The following ZNF536 variants were observed in gnomAD, a reference collection of about 807,000 sequenced individuals.
ZNF536 encodes the protein zinc finger protein 536.
ZNF536 carries 13 observed loss-of-function variants against 84.5 expected under a neutral mutation model. The ratio of observed to expected loss-of-function variants is 0.15; its 90% CI spans 0.10 to 0.24. The LOEUF (loss-of-function observed/expected upper bound fraction) is 0.24, where lower values mean the gene tolerates loss of function less well. Among genes scored for constraint, ZNF536 ranks in the 10% least tolerant of loss-of-function variants. ZNF536 has a pLI of 1.00. For synonymous variants in ZNF536, 811 were observed against 742.5 expected (o/e 1.09, Z -1.50); for missense variants, 1,536 against 1,747.5 (o/e 0.88, Z 2.16).
intron 3 of ZNF536, among the ~76,000 whole-genome samples, chr19:30,362,685 C>G (rs1283113860): frequency 6.6e-6 from 1 of 152,142 alleles, no homozygotes; most frequent in Non-Finnish European, 1.5e-5. Flanking sequence ...GGTTTAGCCT[C>G]CAGCAAGGCC....
intron 1 of ZNF536, among the ~76,000 whole-genome samples, chr19:30,266,075 G>T (rs1252009125): frequency 6.6e-6 from 1 of 151,952 alleles, no homozygotes; most frequent in African/African-American, 2.4e-5. Context: ...TAGAGACAGG[G>T]TCTTGCTCTG....
intron 1 of ZNF536, among the ~76,000 whole-genome samples, chr19:30,231,301 G>T (rs1421145551): frequency 6.6e-6 from 1 of 152,228 alleles, no homozygotes; most frequent in Non-Finnish European, 1.5e-5. Context: ...TGAGGCCTTA[G>T]ATTTCGGCTG....
intron 2 of ZNF536, among the ~76,000 whole-genome samples, chr19:30,459,933 A>G (rs781681837): frequency 1.3e-5 from 2 of 152,254 alleles, no homozygotes; most frequent in South Asian, 2.1e-4. Context: ...TTTAACTACA[A>G]TTATAACCAC....
chr19:30,472,105 C>A (rs148492002), intron 2 of ZNF536, among the ~76,000 whole-genome samples: 2 of 152,198 alleles, frequency 1.3e-5, no homozygotes, highest in South Asian at 4.1e-4. Flanking sequence ...AGAGTCCTCA[C>A]GATAGCAGGG....
chr19:30,373,178 A>G (rs896690510), intron 1 of ZNF536, among the ~76,000 whole-genome samples: 1 of 152,212 alleles, frequency 6.6e-6, no homozygotes, highest in African/African-American at 2.4e-5. Context: ...AAAAGTTAAT[A>G]GCACTTGTGC....
intron 2 of ZNF536, among the ~76,000 whole-genome samples, chr19:30,348,637 T>C (rs2047825957): frequency 6.6e-6 from 1 of 152,022 alleles, no homozygotes; most frequent in African/African-American, 2.4e-5. Context: ...GGCTGGGACA[T>C]GAAAGGGCAA....
At chr19:30,692,517 G>A (rs2051453062) in intron 1 of ZNF536, among the ~76,000 whole-genome samples, 1 of 152,212 alleles carries the variant, frequency 6.6e-6, no homozygotes, top group Non-Finnish European at 1.5e-5. Context: ...TTTTGCTGAG[G>A]TTGTTGTGGG....
In ZNF536 at chr19:30,491,075, C is replaced by T. The variant is rs114692590; in HGVS notation, c.2171-43772C>T. ...ACTATGGCTCCAGTGTCTACCAAGG[C>T]CTGTCCAAGGACCTTGGTTGATGTC... is the stretch of plus-strand genomic sequence containing the variant. On this transcript the variant is annotated intron_variant, in intron 2 of 4. Transcript: ENST00000355537. Among the ~76,000 whole-genome samples, 1,050 of 152,204 alleles carry T rather than the reference C, an allele frequency of 6.9e-3. 13 individuals are homozygous for T. The highest frequency in any genetic ancestry group is 0.024 in the African/African-American group (1,008 of 41,532).
intron 1 of ZNF536, among the ~76,000 whole-genome samples, chr19:30,247,148 T>A (rs2024325296): frequency 6.6e-6 from 1 of 152,232 alleles, no homozygotes; most frequent in Non-Finnish European, 1.5e-5. Context: ...TGACTTCAGC[T>A]GTTTGATGGT....
chr19:30,549,311 A>T lies in ZNF536; in HGVS notation c.3692A>T (p.Lys1231Met), dbSNP rs2146249787. The change falls in exon 4 of 5, where the codon AAG becomes ATG. Residue 1231 changes from lysine (K) to methionine (M), a missense_variant. Around this residue, in one of 8 missense-constraint regions of ZNF536, gnomAD observed 624 missense variants for 603.1 expected, o/e 1.03. Coordinates refer to ENST00000355537, the MANE Select transcript of ZNF536 (RefSeq NM_014717.3). The part of the protein sequence containing the change: ...LVSPLSQAPE[K>M]QWHSQGLLQA... The stretch of plus-strand genomic sequence containing the variant: ...TCACCTTTATCCCAAGCACCGGAGA[A>T]GCAGTGGCACAGCCAGGGTCTTCTC... The T allele has an allele frequency of 6.2e-7, 1 of 1,612,500 alleles. No homozygotes were observed. The highest frequency in any genetic ancestry group is 8.5e-7 in the Non-Finnish European group (1 of 1,179,270).
chr19:30,337,494 A>G (rs908072647), intron 2 of ZNF536, among the ~76,000 whole-genome samples: 2 of 152,034 alleles, frequency 1.3e-5, no homozygotes, highest in Non-Finnish European at 2.9e-5. Context: ...GGCAACAATG[A>G]CAAAGCCCAA....
chr19:30,414,093 C>CAAA (rs55650802), intron 1 of ZNF536, among the ~76,000 whole-genome samples: 31,895 of 82,128 alleles, frequency 0.39, 7,473 homozygotes, highest in East Asian at 0.65. Context: ...GACTCTGTCT[C>CAAA]AAAAAAAAAA....
chr19:30,325,268 T>G (rs990338056), intron 2 of ZNF536, among the ~76,000 whole-genome samples: 1 of 152,202 alleles, frequency 6.6e-6, no homozygotes, highest in African/African-American at 2.4e-5. Context: ...GCGATTTGCC[T>G]GTGACTCTCA....
intron 1 of ZNF536, among the ~76,000 whole-genome samples, chr19:30,424,478 T>G (rs1659913333): frequency 1.3e-5 from 2 of 152,160 alleles, no homozygotes; most frequent in Non-Finnish European, 2.9e-5. Flanking sequence ...TAACACAGTC[T>G]GCTGAGCACA....
intron 1 of ZNF536, among the ~76,000 whole-genome samples, chr19:30,405,927 G>A (rs753568931): frequency 3.3e-5 from 5 of 151,960 alleles, no homozygotes; most frequent in East Asian, 1.9e-4. Flanking sequence ...ACAGGCACCC[G>A]CCAACACACC....
chr19:30,244,777 T>C (rs928435567), intron 1 of ZNF536, among the ~76,000 whole-genome samples: 1 of 152,334 alleles, frequency 6.6e-6, no homozygotes. Context: ...GGGGTGGCGA[T>C]GTGACCCACC....
intron 1 of ZNF536, among the ~76,000 whole-genome samples, chr19:30,648,468 C>T (rs2049563708): frequency 6.6e-6 from 1 of 152,188 alleles, no homozygotes; most frequent in Non-Finnish European, 1.5e-5. Flanking sequence ...TCTCAGGACC[C>T]CTGGGCAGGG....
chr19:30,671,818 G>T (rs1338959338), intron 1 of ZNF536, among the ~76,000 whole-genome samples: 1 of 152,206 alleles, frequency 6.6e-6, no homozygotes, highest in Admixed American at 6.5e-5. Context: ...TTCCGACCCT[G>T]GGAGGCTGCC....
At chr19:30,373,438 G>T (rs917980199) in intron 1 of ZNF536, among the ~76,000 whole-genome samples, 2 of 151,488 alleles carry the variant, frequency 1.3e-5, no homozygotes, top group African/African-American at 2.4e-5. Flanking sequence ...ATATTGAAAT[G>T]CCTGGAAAAA....
Sources: allele counts gnomAD v4.1 joint callset (sites outside exome capture counted in the v4.1 genomes callset), GRCh38; gene constraint gnomAD v4.1.1; regional missense constraint gnomAD v4.1.1; transcripts MANE v1.5; gene names NCBI Gene and HGNC (gene_info 2026-07-23, HGNC 2026-07-21).